SOX6: variants seen among roughly 807,000 people sequenced by gnomAD.
SOX6 encodes the protein transcription factor SOX-6.
SOX6 carries 11 observed loss-of-function variants against 97.8 expected under a neutral mutation model. That is an observed-to-expected ratio of 0.11 (90% CI 0.07 to 0.19). SOX6 has a LOEUF of 0.19. Ranked by LOEUF, SOX6 falls within the 10% of genes least tolerant of loss-of-function variation. The pLI, the probability that SOX6 is intolerant of heterozygous loss-of-function variation, is 1.00. For synonymous variants in SOX6, 360 were observed against 371.4 expected, an observed-to-expected ratio of 0.97 and a Z score of 0.35; for missense variants, 810 against 1,039.5, an observed-to-expected ratio of 0.78 and a Z score of 3.04.
chr11:16,361,353 G>A (rs537573230), upstream of SOX6, among the ~76,000 whole-genome samples: 23 of 151,996 alleles, frequency 1.5e-4, no homozygotes, highest in East Asian at 2.1e-3. Flanking sequence ...CAACTCTCAC[G>A]TCTTAAAAAA....
chr11:16,713,009 C>G (rs1258953873), intron 3 of SOX6, among the ~76,000 whole-genome samples: 1 of 152,110 alleles, frequency 6.6e-6, no homozygotes, highest in Non-Finnish European at 1.5e-5. Flanking sequence ...CTAGCCGACC[C>G]TCTTCTTTTA....
At chr11:16,033,874 AAAAC>A (rs761442807) in intron 12 of SOX6, among the ~76,000 whole-genome samples, 3 of 152,172 alleles carry the variant, frequency 2.0e-5, no homozygotes, top group Non-Finnish European at 2.9e-5. Context: ...CTCTGTCTCC[AAAAC>A]AAACAAACAA....
intron 3 of SOX6, among the ~76,000 whole-genome samples, chr11:16,258,398 G>C (rs1226202280): frequency 1.3e-5 from 2 of 151,822 alleles, no homozygotes; most frequent in African/African-American, 4.8e-5. Flanking sequence ...GAGCTACCAA[G>C]CTATGAAAAG....
At chr11:16,004,589 T>C (rs1399255033) in intron 13 of SOX6, among the ~76,000 whole-genome samples, 1 of 152,006 alleles carries the variant, frequency 6.6e-6, no homozygotes, top group African/African-American at 2.4e-5. Flanking sequence ...GGCCCACCAA[T>C]ACTTCTTCAC....
intron 2 of SOX6, among the ~76,000 whole-genome samples, chr11:16,728,178 G>A (rs1301536741): frequency 6.6e-6 from 1 of 152,190 alleles, no homozygotes; most frequent in Admixed American, 6.5e-5. Flanking sequence ...AGACTTAAAC[G>A]TTCCTGCCTG....
chr11:16,705,486 G>C (rs549547965), intron 3 of SOX6, among the ~76,000 whole-genome samples: 2 of 152,006 alleles, frequency 1.3e-5, no homozygotes, highest in Non-Finnish European at 2.9e-5. Context: ...AATTAGCTAG[G>C]CATAGTGGCA....
At position 16,613,642 on chromosome 11, in the gene SOX6, C is replaced by T. The variant is rs1848429439; in HGVS notation, n.430-1382G>A. ...GGACCCACGAGCACACACACACGCA[C>T]GCACACACACAGACACGCGCGTATT... On this transcript the variant is annotated intron_variant and non_coding_transcript_variant, in intron 3 of 5. Coordinates refer to the SOX6 transcript ENST00000524520. This position sits in a 1 kb window ranked among gnomAD's most constrained non-coding sequence, Gnocchi z 4.6. 6.6e-6 allele frequency among the ~76,000 whole-genome samples: 1 copy of T among 152,160 alleles called. No homozygotes were observed. Among genetic ancestry groups the T allele is most frequent in the Admixed American group, 6.5e-5 (1 of 15,286 alleles).
At chr11:16,005,259 A>G (rs1240449910) in intron 13 of SOX6, among the ~76,000 whole-genome samples, 4 of 152,040 alleles carry the variant, frequency 2.6e-5, no homozygotes, top group Non-Finnish European at 4.4e-5. Flanking sequence ...TGCTAAAAAT[A>G]TATTTCAAAA....
chr11:16,529,141 T>A (rs1408419719), intron 4 of SOX6, among the ~76,000 whole-genome samples: 1 of 152,118 alleles, frequency 6.6e-6, no homozygotes, highest in Non-Finnish European at 1.5e-5. Flanking sequence ...AATAGCAATG[T>A]AACTTCTAAG....
intron 2 of SOX6, among the ~76,000 whole-genome samples, chr11:16,718,391 C>G (rs1848234328): frequency 6.6e-6 from 1 of 152,116 alleles, no homozygotes; most frequent in Non-Finnish European, 1.5e-5. Context: ...ATTTAATGTG[C>G]CCACTTATGC....
Position 15,969,824 on chromosome 11 carries a change from T to G in SOX6, c.*2985A>C, listed in dbSNP as rs1054616763. ...TGTCATTCTTAATTTCCATGGATATTTAGAGCCAAACTTGGCTAATAAATA... is the reference window on the plus strand; with the variant it reads ...TGTCATTCTTAATTTCCATGGATATGTAGAGCCAAACTTGGCTAATAAATA... On this transcript the variant is annotated 3_prime_UTR_variant, in exon 16 of 16. Coordinates refer to ENST00000683767, the MANE Select transcript of SOX6 (RefSeq NM_001367873.1). 9.9e-5 allele frequency: 15 copies of G among 152,176 alleles called. No individual in the cohort carries two copies. Among genetic ancestry groups the G allele is most frequent in the Admixed American group, 6.5e-5 (1 of 15,286 alleles). 9.4% of individuals were successfully genotyped at this position (152,176 alleles called of 1,614,324 possible).
intron 6 of SOX6, among the ~76,000 whole-genome samples, chr11:16,118,517 C>T (rs2134003761): frequency 6.6e-6 from 1 of 152,322 alleles, no homozygotes; most frequent in South Asian, 2.1e-4. Context: ...CCATTTTTTG[C>T]CATCTGCCCC....
At chr11:16,077,788 A>C (rs753732308) in intron 9 of SOX6, among the ~76,000 whole-genome samples, 6 of 152,230 alleles carry the variant, frequency 3.9e-5, no homozygotes, top group Non-Finnish European at 8.8e-5. Flanking sequence ...AGGGAACAAC[A>C]GACACTGGGG....
chr11:16,096,728 TAAGAA>T (rs1848806366), intron 8 of SOX6, among the ~76,000 whole-genome samples: 1 of 151,840 alleles, frequency 6.6e-6, no homozygotes, highest in Non-Finnish European at 1.5e-5. Context: ...GTAGATAATT[TAAGAA>T]AACTCAAAAA....
chr11:15,973,405 C>T (rs535980990), intron 15 of SOX6, among the ~76,000 whole-genome samples: 8 of 152,232 alleles, frequency 5.3e-5, no homozygotes, highest in Admixed American at 2.6e-4. Flanking sequence ...TAACACCTGG[C>T]ATTAGGAACA....
At chr11:16,669,472 A>G (rs1847831617) in intron 3 of SOX6, among the ~76,000 whole-genome samples, 1 of 152,170 alleles carries the variant, frequency 6.6e-6, no homozygotes, top group East Asian at 1.9e-4. Context: ...GCCCTACAGA[A>G]AAGTGGCTGG....
At chr11:16,260,295 C>G (rs1050501455) in intron 3 of SOX6, among the ~76,000 whole-genome samples, 1 of 152,012 alleles carries the variant, frequency 6.6e-6, no homozygotes, top group Non-Finnish European at 1.5e-5. Flanking sequence ...CCACTGTGCC[C>G]GGGCCAATGT....
chr11:16,172,790 C>T (rs1270230165), intron 6 of SOX6, among the ~76,000 whole-genome samples: 5 of 151,874 alleles, frequency 3.3e-5, no homozygotes, highest in Non-Finnish European at 7.4e-5. Flanking sequence ...TGCTGCAGGA[C>T]AGGTAGTTGC....
intron 11 of SOX6, among the ~76,000 whole-genome samples, chr11:16,049,001 C>T (rs926548977): frequency 5.3e-5 from 8 of 152,114 alleles, no homozygotes; most frequent in East Asian, 1.9e-4. Context: ...AAATTGAATG[C>T]CTTCTAGGTT....
Sources: allele counts gnomAD v4.1 joint callset (sites outside exome capture counted in the v4.1 genomes callset), GRCh38; gene constraint gnomAD v4.1.1; non-coding constraint Gnocchi (gnomAD v3.1); transcripts MANE v1.5; gene names NCBI Gene and HGNC (gene_info 2026-07-23, HGNC 2026-07-21).